FRMPD4: variants seen among roughly 807,000 people sequenced by gnomAD.
FRMPD4 encodes FERM and PDZ domain containing 4.
FRMPD4 carries 22 observed loss-of-function variants against 94.1 expected under a neutral mutation model. The observed-to-expected ratio is 0.23, with a 90% CI of 0.17 to 0.33. The LOEUF (loss-of-function observed/expected upper bound fraction) is 0.33, where lower values mean the gene tolerates loss of function less well. FRMPD4 is among the 10% of genes least tolerant of loss of function. FRMPD4 has a pLI of 1.00. For missense variants in FRMPD4, 1,111 were observed against 1,339.9 expected (o/e 0.83, Z 2.67); for synonymous variants, 631 against 548.6 (o/e 1.15, Z -2.10).
intron 3 of FRMPD4, among the ~76,000 whole-genome samples, chrX:11,905,848 G>A (rs780070013): frequency 9.0e-6 from 1 of 111,589 alleles, no homozygotes; most frequent in Non-Finnish European, 1.9e-5. Flanking sequence ...ATTTTATGAA[G>A]CACACAGAAA....
chrX:11,865,671 T>A (rs926335668), intron 2 of FRMPD4, among the ~76,000 whole-genome samples: 4 of 112,049 alleles, frequency 3.6e-5, no homozygotes, highest in African/African-American at 1.3e-4. Context: ...ATATGACTAG[T>A]CCAGGTTTGT....
intron 1 of FRMPD4, among the ~76,000 whole-genome samples, chrX:12,373,869 G>A (rs184035499): frequency 1.9e-4 from 21 of 112,309 alleles, no homozygotes; most frequent in Non-Finnish European, 2.6e-4. Flanking sequence ...AAGGCGGAAC[G>A]GAGGGTTCCG....
intron 1 of FRMPD4, among the ~76,000 whole-genome samples, chrX:12,404,772 A>G (rs920678199): frequency 7.2e-5 from 8 of 111,811 alleles, no homozygotes; most frequent in Non-Finnish European, 1.5e-4. Context: ...TGTCAGCCTC[A>G]GTGGTTTAAA....
intron 1 of FRMPD4, among the ~76,000 whole-genome samples, chrX:11,831,496 T>C (rs1569106071): frequency 8.9e-6 from 1 of 111,979 alleles, no homozygotes; most frequent in African/African-American, 3.2e-5. Flanking sequence ...TGTGAGCACA[T>C]AAACTCTTAG....
chrX:11,978,908 C>T (rs2054382578), intron 3 of FRMPD4, among the ~76,000 whole-genome samples: 1 of 111,680 alleles, frequency 9.0e-6, no homozygotes, highest in Non-Finnish European at 1.9e-5. Context: ...AGGATAGGTC[C>T]TTGTTTATGC....
chrX:12,314,606 C>T (rs1199621625), intron 1 of FRMPD4, among the ~76,000 whole-genome samples: 1 of 111,890 alleles, frequency 8.9e-6, no homozygotes, highest in East Asian at 2.8e-4. Flanking sequence ...ATCTCAATTT[C>T]AAATGAGTCT....
At position 12,453,390 on chromosome X, in the gene FRMPD4, A is replaced by ATTTG. The variant is rs1277556331; in HGVS notation, c.42-45286_42-45283dup. Among the ~76,000 whole-genome samples the ATTTG allele has an allele frequency of 1.7e-4, 19 of 112,142 alleles. No individual in the cohort carries two copies. The South Asian group carries it at 1.9e-3, about 11-fold the overall frequency. On this transcript the variant is annotated intron_variant, in intron 1 of 16. Transcript: ENST00000675598. ...TAGTTTTAGATTTTTTGTTGTTTAT[A>ATTTG]TTTGTTTACTTTTGAAGTGAATAAT...
intron 3 of FRMPD4, among the ~76,000 whole-genome samples, chrX:11,967,757 T>TGTG (rs1491571929): frequency 2.7e-3 from 82 of 30,732 alleles, no homozygotes; most frequent in African/African-American, 5.3e-3. Context: ...TGTGTGTGTG[T>TGTG]TTTTTTTTTT....
intron 3 of FRMPD4, among the ~76,000 whole-genome samples, chrX:12,051,855 T>C (rs2054820627): frequency 9.0e-6 from 1 of 111,188 alleles, no homozygotes; most frequent in Admixed American, 9.6e-5. Flanking sequence ...TTCCTACAAG[T>C]CTAGAAGAAA....
intron 1 of FRMPD4, among the ~76,000 whole-genome samples, chrX:12,382,525 GCATAGAGCATAGCATAGCATAGCAT>G (rs2056335950): frequency 5.1e-5 from 3 of 59,055 alleles, no homozygotes; most frequent in African/African-American, 2.1e-4. Context: ...GCATAGCATA[GCATAGAGCATAGCATAGCATAGCAT>G]AGCATAGCAT....
At chrX:12,694,549 T>C in intron 9 of FRMPD4, 95 bp downstream of exon 9, 1 of 625,717 alleles carries the variant, frequency 1.6e-6, no homozygotes, top group East Asian at 3.3e-5. Context: ...ATCTTTCTTT[T>C]TTGTCCCCCA....
At chrX:12,690,818 G>T (rs1281833521) in intron 8 of FRMPD4, among the ~76,000 whole-genome samples, 1 of 111,865 alleles carries the variant, frequency 8.9e-6, no homozygotes, top group African/African-American at 3.3e-5. Context: ...CCCAGTTCCT[G>T]ATTACCAAGA....
intron 1 of FRMPD4, among the ~76,000 whole-genome samples, chrX:12,164,151 CTCA>C (rs1234139888): frequency 1.8e-5 from 2 of 110,565 alleles, no homozygotes; most frequent in African/African-American, 6.6e-5. Context: ...CACTCATTAA[CTCA>C]TCATTTACAT....
At chrX:11,865,174 A>G (rs2053711258) in exon 2 of FRMPD4, among the ~76,000 whole-genome samples, 1 of 112,155 alleles carries the variant, frequency 8.9e-6, no homozygotes, top group African/African-American at 3.2e-5. Context: ...ACAGGATCCC[A>G]AACCTTGCCC....
At chrX:12,700,521 A>G (rs927388743) in intron 9 of FRMPD4, among the ~76,000 whole-genome samples, 3 of 111,931 alleles carry the variant, frequency 2.7e-5, no homozygotes, top group Admixed American at 9.4e-5. Context: ...ACACTTGATG[A>G]CACACTCTCA....
At position 12,036,977 on chromosome X, in the gene FRMPD4, G is replaced by C. The variant is rs977636741; in HGVS notation, c.95+158959G>C. ...CACCTCCACACCTGGAAGAGTATCT[G>C]ATCTTGGCTAAGTATCTTTGTGAGG... On this transcript the variant is annotated intron_variant, in intron 3 of 18. Coordinates refer to the FRMPD4 transcript ENST00000640291. Among the ~76,000 whole-genome samples, 3 of 111,983 alleles carry C rather than the reference G, an allele frequency of 2.7e-5. No individual in the cohort carries two copies. In the East Asian group the frequency reaches 8.3e-4, roughly 31 times the overall value.
chrX:12,450,863 CAA>C lies in FRMPD4; in HGVS notation c.42-47798_42-47797del, dbSNP rs5901475. ...TGGACTCAGTGTTGTTCTATTTATC[CAA>C]AAAAAAAAAAAAAAAAAAGAGAGAG... On this transcript the variant is annotated intron_variant, in intron 1 of 16. Transcript: ENST00000675598. 5.4e-3 allele frequency among the ~76,000 whole-genome samples: 268 copies of C among 49,523 alleles called. 6 individuals are homozygous for C. In the South Asian group the frequency reaches 0.071, roughly 13 times the overall value. The allele number at this position is 49,523 out of a possible 115,157, so 43.0% of individuals were successfully genotyped here. A position where few individuals can be genotyped will look rare whatever the true frequency, so the allele number is the denominator to read the frequency against.
chrX:12,025,660 T>A (rs2054656082), intron 3 of FRMPD4, among the ~76,000 whole-genome samples: 1 of 112,258 alleles, frequency 8.9e-6, no homozygotes, highest in Non-Finnish European at 1.9e-5. Flanking sequence ...ACTTGTTCAC[T>A]CTGAGGAACC....
intron 1 of FRMPD4, among the ~76,000 whole-genome samples, chrX:11,843,914 T>C (rs1324131011): frequency 9.1e-6 from 1 of 110,487 alleles, no homozygotes; most frequent in Non-Finnish European, 1.9e-5. Context: ...TTATGTCAGT[T>C]CGTTTTAGCC....
Sources: gnomAD v4.1 joint callset for allele counts (sites outside exome capture counted in the v4.1 genomes callset) on GRCh38, gnomAD v4.1.1 for gene constraint, MANE v1.5 for transcripts, NCBI Gene and HGNC (gene_info 2026-07-23, HGNC 2026-07-21) for gene names.